The following SPARCL1 variants were observed in gnomAD, a reference collection of about 807,000 sequenced individuals.
SPARCL1 encodes SPARC like 1, also known as SPARC-like protein 1.
Under a neutral mutation model 67.1 loss-of-function variants are expected in SPARCL1, and 52 were observed. That is an observed-to-expected ratio of 0.78 (90% CI 0.62 to 0.98). The LOEUF is 0.98. Among genes scored for constraint, SPARCL1 ranks in the 50% least tolerant of loss-of-function variants. SPARCL1 has a pLI of 0.00. For synonymous variants in SPARCL1, 226 were observed against 267.8 expected (o/e 0.84, Z 1.52); for missense variants, 717 against 782.4 (o/e 0.92, Z 1.00).
chr4:87,528,398 A>G (rs1359628828), intron 1 of SPARCL1, among the ~76,000 whole-genome samples: 1 of 152,162 alleles, frequency 6.6e-6, no homozygotes, highest in Non-Finnish European at 1.5e-5. Context: ...AATTAGAGAA[A>G]TTTTAGGTCT....
intron 1 of SPARCL1, among the ~76,000 whole-genome samples, chr4:87,519,483 A>C (rs948498479): frequency 1.3e-5 from 2 of 152,178 alleles, no homozygotes; most frequent in East Asian, 1.9e-4. Context: ...TGGGTTCATT[A>C]ACTCTGTAGC....
At chr4:87,478,132 C>T (rs1217739321) in intron 10 of SPARCL1, among the ~76,000 whole-genome samples, 2 of 152,190 alleles carry the variant, frequency 1.3e-5, no homozygotes, top group Non-Finnish European at 1.5e-5. Flanking sequence ...TCTTTAACGG[C>T]TTAGCTGCAT....
At chr4:87,489,539 G>A (rs1284486420) in intron 7 of SPARCL1, among the ~76,000 whole-genome samples, 1 of 152,150 alleles carries the variant, frequency 6.6e-6, no homozygotes, top group African/African-American at 2.4e-5. Context: ...TGGCCATCTT[G>A]CCAGCCACCA....
At position 87,495,208 on chromosome 4, in the gene SPARCL1, A is replaced by G. The variant is rs1246897398; in HGVS notation, c.55-81T>C. 5 of 1,168,452 alleles carry G rather than the reference A, an allele frequency of 4.3e-6. No individual in the cohort carries two copies. In the South Asian group the frequency reaches 6.8e-5, roughly 16 times the overall value. The allele number at this position is 1,168,452 out of a possible 1,614,324, so 72.4% of individuals were successfully genotyped here. ...TTTGCTAGTTACTCTTGTTGTCATC[A>G]TTATTAGTAGCAATATACTTCATTT... On this transcript the variant is annotated intron_variant, in intron 2 of 10. Transcript: ENST00000282470.
rs761826368 is a variant in SPARCL1 at position 87,490,845 on chromosome 4, T to A, written c.1325A>T (p.His442Leu). The A allele has an allele frequency of 4.3e-6, 7 of 1,610,240 alleles. No homozygotes were observed. Among genetic ancestry groups the A allele is most frequent in the Non-Finnish European group, 5.9e-6 (7 of 1,177,978 alleles). The change falls in exon 6 of 11, where the codon CAC (histidine) becomes CTC (leucine). Residue 442 changes from histidine to leucine, a missense_variant. Physicochemically the swap from His to Leu is moderately conservative, Grantham distance 99. Transcript: ENST00000282470. ...TCCCTGTTGGTCTGCCTTACAGATGTGGCCTCTTTTACACTGGAAGCTCAT... is the reference window on the plus strand; with the variant it reads ...TCCCTGTTGGTCTGCCTTACAGATGAGGCCTCTTTTACACTGGAAGCTCAT... ...SCMSFQCKRG[H>L]ICKADQQGKP...
At position 87,522,284 on chromosome 4, in the gene SPARCL1, C is replaced by T. The variant is rs114860211; in HGVS notation, c.-12+6761G>A. Among the ~76,000 whole-genome samples, 552 of 152,136 alleles carry T rather than the reference C, an allele frequency of 3.6e-3. 6 individuals are homozygous for T. Among genetic ancestry groups the T allele is most frequent in the African/African-American group, 0.012 (505 of 41,500 alleles). ...GTCAATGACTTAAGACTTTTCTGGG[C>T]ATCTGACCTTCAACTGCCCATCATC... On this transcript the variant is annotated intron_variant, in intron 1 of 10. Transcript: ENST00000282470.
chr4:87,489,158 A>G (rs1262469612), intron 7 of SPARCL1, among the ~76,000 whole-genome samples: 1 of 152,146 alleles, frequency 6.6e-6, no homozygotes, highest in Non-Finnish European at 1.5e-5. Context: ...TCCTGTAGCT[A>G]GCTCGGTGTC....
Position 87,513,921 on chromosome 4 carries a change from T to C in SPARCL1, c.-11-14336A>G, listed in dbSNP as rs546389344. Among the ~76,000 whole-genome samples, 96 of 152,330 alleles carry C rather than the reference T, an allele frequency of 6.3e-4. No homozygotes were observed. The Middle Eastern group carries it at 0.017, about 27-fold the overall frequency. On this transcript the variant is annotated intron_variant, in intron 1 of 10. Coordinates refer to ENST00000282470, the MANE Select transcript of SPARCL1 (RefSeq NM_004684.6). The stretch of plus-strand genomic sequence containing the variant: ...AATATTCCTGAATTAGGGCTGGGCA[T>C]TGTGGCTCATGCCTGTAATCCCACC...
chr4:87,478,506 T>C (rs1227933267), intron 10 of SPARCL1, among the ~76,000 whole-genome samples: 2 of 151,662 alleles, frequency 1.3e-5, no homozygotes, highest in Non-Finnish European at 2.9e-5. Context: ...GTTGGGATCT[T>C]GGCTTACTGC....
At chr4:87,490,484 G>A (rs752805557) in intron 6 of SPARCL1, 91 bp from the exon 7 acceptor site, 42 of 1,426,054 alleles carry the variant, frequency 2.9e-5, no homozygotes, top group African/African-American at 1.0e-4. Flanking sequence ...TGATAACAGC[G>A]CTGTGCCAAA....
At chr4:87,521,719 C>CTTT (rs1725826610) in intron 1 of SPARCL1, among the ~76,000 whole-genome samples, 3 of 152,168 alleles carry the variant, frequency 2.0e-5, no homozygotes. Context: ...GAAAGACATA[C>CTTT]CATGTGTACT....
chr4:87,515,742 A>C (rs1357108961), intron 1 of SPARCL1, among the ~76,000 whole-genome samples: 1 of 152,236 alleles, frequency 6.6e-6, no homozygotes, highest in African/African-American at 2.4e-5. Context: ...TGGCTGACCC[A>C]TGTACCATTA....
At chr4:87,489,822 G>C (rs1463236889) in intron 7 of SPARCL1, among the ~76,000 whole-genome samples, 1 of 152,194 alleles carries the variant, frequency 6.6e-6, no homozygotes, top group Admixed American at 6.5e-5. Context: ...AGTGGTAAGG[G>C]GAGCCAAACA....
intron 4 of SPARCL1, among the ~76,000 whole-genome samples, chr4:87,493,137 T>A (rs1724427480): frequency 2.0e-5 from 3 of 152,198 alleles, no homozygotes. Flanking sequence ...TGAAAAATCA[T>A]GGAAATTGAC....
At chr4:87,487,968 A>G (rs1005369785) in intron 7 of SPARCL1, among the ~76,000 whole-genome samples, 1 of 152,026 alleles carries the variant, frequency 6.6e-6, no homozygotes, top group African/African-American at 2.4e-5. Flanking sequence ...TCTTCTCTAA[A>G]CTGGTTATTC....
In SPARCL1 at chr4:87,529,167, C is replaced by T. The variant is rs1560459045; in HGVS notation, c.-134G>A. 1.3e-5 allele frequency: 2 copies of T among 152,200 alleles called. No individual in the cohort carries two copies. Among genetic ancestry groups the T allele is most frequent in the Non-Finnish European group, 2.9e-5 (2 of 68,044 alleles). The allele number at this position is 152,200 out of a possible 1,614,324, so 9.4% of individuals were successfully genotyped here. On this transcript the variant is annotated 5_prime_UTR_variant, in exon 1 of 11. Coordinates refer to ENST00000282470, the MANE Select transcript of SPARCL1 (RefSeq NM_004684.6). ...GAAAAACTCTTTAAATCCCTTTCCT[C>T]GTTAGCTCTGCTTCTTTGCCCAGAG...
At chr4:87,497,918 C>T (rs1239415798) in intron 2 of SPARCL1, among the ~76,000 whole-genome samples, 5 of 152,100 alleles carry the variant, frequency 3.3e-5, no homozygotes, top group Admixed American at 3.3e-4. Flanking sequence ...TGGCAGCTGG[C>T]TAATTTTTTA....
intron 1 of SPARCL1, among the ~76,000 whole-genome samples, chr4:87,507,256 T>C (rs1725122058): frequency 6.6e-6 from 1 of 152,244 alleles, no homozygotes; most frequent in East Asian, 1.9e-4. Context: ...AAACGTGTTT[T>C]GCATCATAAG....
intron 1 of SPARCL1, among the ~76,000 whole-genome samples, chr4:87,504,055 T>G (rs1724967399): frequency 6.7e-6 from 1 of 150,344 alleles, no homozygotes; most frequent in African/African-American, 2.5e-5. Context: ...ATCCAGGTGG[T>G]CCAGGGTGGG....
Sources: allele counts gnomAD v4.1 joint callset (sites outside exome capture counted in the v4.1 genomes callset), GRCh38; gene constraint gnomAD v4.1.1; transcripts MANE v1.5; gene names NCBI Gene and HGNC (gene_info 2026-07-23, HGNC 2026-07-21).